DMTF1: variants seen among roughly 807,000 people sequenced by gnomAD.
The protein encoded by DMTF1 is cyclin-D-binding Myb-like transcription factor 1.
A neutral mutation model predicts 91.1 loss-of-function variants in DMTF1; 39 were observed. That is an observed-to-expected ratio of 0.43 (90% CI 0.33 to 0.56). The LOEUF (loss-of-function observed/expected upper bound fraction) is 0.56, where lower values mean the gene tolerates loss of function less well. Among genes scored for constraint, DMTF1 ranks in the 20% least tolerant of loss-of-function variants. The probability of loss-of-function intolerance (pLI) is 0.05; values close to 1 mark genes in which losing one functional copy is unlikely to be tolerated. For missense variants in DMTF1, 750 were observed against 914.5 expected (o/e 0.82, Z 2.32); for synonymous variants, 338 against 309.5 (o/e 1.09, Z -0.97).
intron 1 of DMTF1, among the ~76,000 whole-genome samples, chr7:87,157,872 GTTTTA>G (rs1290557399): frequency 6.6e-6 from 1 of 151,452 alleles, no homozygotes; most frequent in Non-Finnish European, 1.5e-5. Flanking sequence ...CACCAGAATG[GTTTTA>G]TTTTTGTCAT....
At chr7:87,170,481 C>A (rs1297256114) in intron 4 of DMTF1, among the ~76,000 whole-genome samples, 2 of 152,186 alleles carry the variant, frequency 1.3e-5, no homozygotes, top group Non-Finnish European at 2.9e-5. Flanking sequence ...GGCCTCCTTG[C>A]TATTCTCGTG....
intron 7 of DMTF1, among the ~76,000 whole-genome samples, chr7:87,178,825 T>C (rs996217202): frequency 1.3e-5 from 2 of 151,918 alleles, no homozygotes; most frequent in Non-Finnish European, 2.9e-5. Flanking sequence ...TGTGTGTCTA[T>C]TTGGTAGGAT....
intron 1 of DMTF1, among the ~76,000 whole-genome samples, chr7:87,161,899 A>C (rs1468099747): frequency 6.6e-6 from 1 of 152,204 alleles, no homozygotes; most frequent in Non-Finnish European, 1.5e-5. Context: ...TTTTGGGAAA[A>C]TATATTGCAG....
intron 12 of DMTF1, chr7:87,187,715 CAT>C (rs1172067516): frequency 8.8e-6 from 2 of 228,194 alleles, no homozygotes; most frequent in Admixed American, 1.1e-4. Context: ...GCGGGGAAAA[CAT>C]ACACTATTCG....
At chr7:87,155,074 A>G (rs1161249937) in intron 1 of DMTF1, among the ~76,000 whole-genome samples, 3 of 152,192 alleles carry the variant, frequency 2.0e-5, no homozygotes, top group Non-Finnish European at 2.9e-5. Context: ...GCTTAAATTA[A>G]CACCTGTGAG....
rs1793873450 is a variant in DMTF1 at position 87,166,546 on chromosome 7, C to T, written c.173C>T (p.Ser58Phe). The change falls in exon 4 of 18, where the codon TCT (serine) becomes TTT (phenylalanine). Residue 58 changes from serine (S) to phenylalanine (F), a missense_variant. By Grantham distance (155) the Ser-to-Phe change is radical. Coordinates refer to ENST00000331242, the MANE Select transcript of DMTF1 (RefSeq NM_001142327.2). ...EPPHKRLCLS[S>F]EDDQSIDDST... ...CCACATAAAAGGCTTTGTTTGTCCTCTGAGGATGATCAGAGTATTGATGAT... is the reference window on the plus strand; with the variant it reads ...CCACATAAAAGGCTTTGTTTGTCCTTTGAGGATGATCAGAGTATTGATGAT... 2 of 1,613,006 alleles carry T rather than the reference C, an allele frequency of 1.2e-6. No homozygotes were observed. The highest frequency in any genetic ancestry group is 2.2e-5 in the East Asian group (1 of 44,848).
chr7:87,155,815 A>T (rs890406893), intron 1 of DMTF1, among the ~76,000 whole-genome samples: 1 of 151,614 alleles, frequency 6.6e-6, no homozygotes, highest in African/African-American at 2.4e-5. Context: ...TGTCAGAGAA[A>T]AGCACACTGG....
At position 87,182,452 on chromosome 7, in the gene DMTF1, G is replaced by A. The variant is rs1797562515; in HGVS notation, c.820+115G>A. The A allele has an allele frequency of 3.3e-6, 3 of 899,968 alleles. No individual in the cohort carries two copies. In the South Asian group the frequency reaches 4.8e-5, roughly 14 times the overall value. The allele number at this position is 899,968 out of a possible 1,614,324, so 55.7% of individuals were successfully genotyped here. A position where few individuals can be genotyped will look rare whatever the true frequency, so the allele number is the denominator to read the frequency against. Reference sequence around the variant, plus strand: ...GATTTAGATCATTCACCTTAGTTCAGACTTTATTTTCTAGTCTTCCTTTTC... The same window carrying A: ...GATTTAGATCATTCACCTTAGTTCAAACTTTATTTTCTAGTCTTCCTTTTC... On this transcript the variant is annotated intron_variant, in intron 10 of 17. Coordinates refer to ENST00000331242, the MANE Select transcript of DMTF1 (RefSeq NM_001142327.2).
intron 16 of DMTF1, 117 bp downstream of exon 16, chr7:87,194,219 C>T: frequency 2.6e-6 from 3 of 1,161,672 alleles, no homozygotes; most frequent in Non-Finnish European, 3.6e-6. Flanking sequence ...AACCTCACAC[C>T]TCACAAAGTG....
rs188949066 is a variant in DMTF1 at position 87,153,953 on chromosome 7, T to C, written c.-132+1398T>C. ...TCTTTAAGCTGGTTTTGAAATTATA[T>C]TTCAAATAGCTTTCTGAGGATTACT... On this transcript the variant is annotated intron_variant, in intron 1 of 17. Transcript: ENST00000331242. Among the ~76,000 whole-genome samples the C allele has an allele frequency of 3.5e-3, 537 of 152,350 alleles. 2 individuals carry two copies. The highest frequency in any genetic ancestry group is 0.01 in the Middle Eastern group (3 of 294).
intron 5 of DMTF1, among the ~76,000 whole-genome samples, chr7:87,172,716 C>T (rs1172825326): frequency 6.6e-6 from 1 of 152,232 alleles, no homozygotes. Flanking sequence ...TTACGATAGG[C>T]TAATACCTCA....
In DMTF1 at chr7:87,161,437, G is replaced by A. The variant is rs574985436; in HGVS notation, c.-131-2058G>A. 2.6e-4 allele frequency among the ~76,000 whole-genome samples: 39 copies of A among 152,288 alleles called. No homozygotes were observed. In the South Asian group the frequency reaches 5.8e-3, roughly 23 times the overall value. On this transcript the variant is annotated intron_variant, in intron 1 of 17. Coordinates refer to ENST00000331242, the MANE Select transcript of DMTF1 (RefSeq NM_001142327.2). The stretch of plus-strand genomic sequence containing the variant: ...GAATCACTTGAACCTGGGAGGCGGA[G>A]GTTGCAGTGAGCCAAGATCGTGCCA...
chr7:87,162,953 C>G (rs1402480941), intron 1 of DMTF1: 2 of 151,686 alleles, frequency 1.3e-5, no homozygotes, highest in East Asian at 3.9e-4. Context: ...CTTTTCTGGC[C>G]TAATTGTTTA....
chr7:87,170,856 G>A (rs763153463), intron 4 of DMTF1, 139 bp from the exon 5 acceptor site: 31 of 638,244 alleles, frequency 4.9e-5, no homozygotes, highest in African/African-American at 1.3e-4. Flanking sequence ...TTAAGCAAAT[G>A]AATGTATGTA....
chr7:87,194,659 A>T (rs540815090), intron 16 of DMTF1, 25 bp from the exon 17 acceptor site: 11 of 1,545,742 alleles, frequency 7.1e-6, no homozygotes, highest in South Asian at 6.8e-5. Context: ...ATATGAGTCA[A>T]TATTTTTTTT....
At chr7:87,162,981 T>G (rs1668571832) in intron 1 of DMTF1, 3 of 152,280 alleles carry the variant, frequency 2.0e-5, no homozygotes, top group African/African-American at 7.2e-5. Flanking sequence ...GTTTTTGTTT[T>G]TTCCACAGAT....
chr7:87,153,367 T>C (rs534857907), intron 1 of DMTF1, among the ~76,000 whole-genome samples: 1 of 152,328 alleles, frequency 6.6e-6, no homozygotes, highest in Admixed American at 6.5e-5. Context: ...GTCCACTTTG[T>C]TCTCTAAAAT....
At chr7:87,191,866 T>G (rs1480514070) in intron 14 of DMTF1, among the ~76,000 whole-genome samples, 1 of 152,150 alleles carries the variant, frequency 6.6e-6, no homozygotes, top group Non-Finnish European at 1.5e-5. Context: ...AAAAATTTTA[T>G]TAAATCAAGA....
intron 1 of DMTF1, 181 bp from the exon 2 acceptor site, chr7:87,163,314 T>C (rs1792986821): frequency 1.3e-5 from 2 of 152,024 alleles, no homozygotes; most frequent in African/African-American, 4.8e-5. Context: ...CTGTCCTTCA[T>C]TGGGGAATAC....
Sources: allele counts gnomAD v4.1 joint callset (sites outside exome capture counted in the v4.1 genomes callset), GRCh38; gene constraint gnomAD v4.1.1; transcripts MANE v1.5; gene names NCBI Gene and HGNC (gene_info 2026-07-23, HGNC 2026-07-21).